Variants in HFM1 observed in about 807,000 individuals in gnomAD.
HFM1 encodes helicase for meiosis 1.
A neutral mutation model predicts 192.1 loss-of-function variants in HFM1; 169 were observed. The ratio of observed to expected loss-of-function variants is 0.88; its 90% CI spans 0.78 to 1.00. The LOEUF is 1.00. Ranked by LOEUF, HFM1 falls within the 50% of genes least tolerant of loss-of-function variation. HFM1 has a pLI of 0.00. For synonymous variants in HFM1, 525 were observed against 537.8 expected (o/e 0.98, Z 0.33); for missense variants, 1,661 against 1,668.0 (o/e 1.00, Z 0.07).
chr1:91,368,807 C>T (rs1294481873), intron 13 of HFM1, among the ~76,000 whole-genome samples: 1 of 152,024 alleles, frequency 6.6e-6, no homozygotes, highest in East Asian at 1.9e-4. Context: ...GACTGGCAAA[C>T]TGGAGAAAGA....
chr1:91,336,661 A>G (rs1654614322), intron 20 of HFM1, among the ~76,000 whole-genome samples: 2 of 152,202 alleles, frequency 1.3e-5, no homozygotes, highest in South Asian at 4.1e-4. Flanking sequence ...ACCACTGCGG[A>G]AGACAGTGTG....
intron 19 of HFM1, among the ~76,000 whole-genome samples, chr1:91,345,238 G>A (rs1457104731): frequency 2.0e-5 from 3 of 152,102 alleles, no homozygotes; most frequent in African/African-American, 7.2e-5. Context: ...ACAGAGACCT[G>A]AATAAAATGA....
At chr1:91,306,083 C>A (rs1055457816) in intron 30 of HFM1, among the ~76,000 whole-genome samples, 7 of 152,042 alleles carry the variant, frequency 4.6e-5, no homozygotes, top group African/African-American at 1.7e-4. Flanking sequence ...CCTGTAATCC[C>A]AGCACTTTGG....
At chr1:91,405,426 T>C (rs761744573), upstream of HFM1, among the ~76,000 whole-genome samples, 8 of 152,366 alleles carry the variant, frequency 5.3e-5, no homozygotes, top group African/African-American at 7.2e-5. Flanking sequence ...GGGAATGTTT[T>C]GTAGATGATA....
chr1:91,267,783 G>T lies in HFM1; in HGVS notation c.3845C>A (p.Thr1282Asn), dbSNP rs1447942464. The T allele has an allele frequency of 5.7e-6, 9 of 1,574,896 alleles. No individual in the cohort carries two copies. Among genetic ancestry groups the T allele is most frequent in the African/African-American group, 1.4e-5 (1 of 72,428 alleles). The change falls in exon 35 of 39, where the codon ACT becomes AAT. Residue 1282 changes from threonine to asparagine, a missense_variant. Thr to Asn is a moderately conservative substitution (Grantham distance 65). Transcript: ENST00000370425. ...DDFDDENLEV[T>N]SFSTDTEKTK... ...CTTCTCAGTATCAGTTGAAAAGCTA[G>T]TAACTTCTAAGTTTTCATCATCAAA...
At position 91,376,513 on chromosome 1, in the gene HFM1, A is replaced by G. The variant is rs149548771; in HGVS notation, c.1396-786T>C. ...CATTCACACAAGTAGTGTTTATCACAAAGGGGAAAAGTTTCAAGAATTAGA... is the reference window on the plus strand; with the variant it reads ...CATTCACACAAGTAGTGTTTATCACGAAGGGGAAAAGTTTCAAGAATTAGA... On this transcript the variant is annotated intron_variant, in intron 11 of 38. Transcript: ENST00000370425. Among the ~76,000 whole-genome samples the G allele has an allele frequency of 4.4e-4, 67 of 152,148 alleles. No homozygotes were observed. In the East Asian group the frequency reaches 9.1e-3, roughly 21 times the overall value.
intron 30 of HFM1, among the ~76,000 whole-genome samples, chr1:91,312,839 T>C (rs1650665228): frequency 6.6e-6 from 1 of 152,260 alleles, no homozygotes; most frequent in South Asian, 2.1e-4. Flanking sequence ...CCATGTGTTG[T>C]GGGAGGGACC....
At chr1:91,298,376 C>T (rs1648048393) in intron 30 of HFM1, among the ~76,000 whole-genome samples, 1 of 152,184 alleles carries the variant, frequency 6.6e-6, no homozygotes, top group Admixed American at 6.5e-5. Flanking sequence ...AGGATATTAT[C>T]CAGGAGAACT....
chr1:91,343,484 A>G lies in HFM1; in HGVS notation c.2281T>C (p.Leu761=). ...ATCTTTATTAAGTCCAGGGATGATA[A>G]ATCATTCAGATTCTTCAAACATAAT... ...QELCLKNLND[L]SSLDLIKMDE... Residue 761 remains leucine (L), a synonymous_variant, in exon 20 of 39, where the codon TTA becomes CTA. Coordinates refer to ENST00000370425, the MANE Select transcript of HFM1 (RefSeq NM_001017975.6). 1 of 1,423,446 alleles carries G rather than the reference A, an allele frequency of 7.0e-7. No individual in the cohort carries two copies. The highest frequency in any genetic ancestry group is 9.7e-7 in the Non-Finnish European group (1 of 1,035,966). 88.2% of individuals were successfully genotyped at this position (1,423,446 alleles called of 1,614,324 possible).
intron 23 of HFM1, among the ~76,000 whole-genome samples, chr1:91,320,983 G>A (rs558213385): frequency 1.3e-5 from 2 of 152,274 alleles, no homozygotes; most frequent in South Asian, 2.1e-4. Context: ...TTATTCTTGT[G>A]TGTAAAAGGG....
chr1:91,302,175 T>C (rs1648886493), intron 30 of HFM1, among the ~76,000 whole-genome samples: 1 of 151,258 alleles, frequency 6.6e-6, no homozygotes, highest in Non-Finnish European at 1.5e-5. Flanking sequence ...AAAAGACACA[T>C]GAGAAAATGC....
At chr1:91,322,363 A>G (rs2101322285) in intron 23 of HFM1, among the ~76,000 whole-genome samples, 1 of 152,354 alleles carries the variant, frequency 6.6e-6, no homozygotes, top group Admixed American at 6.5e-5. Context: ...ACCTTAAATT[A>G]CATAACACTA....
At chr1:91,385,036 C>T in intron 6 of HFM1, 151 bp downstream of exon 6, 1 of 560,552 alleles carries the variant, frequency 1.8e-6, no homozygotes, top group Non-Finnish European at 3.1e-6. Flanking sequence ...AACCACCGCA[C>T]CCGGCCACAT....
chr1:91,407,286 A>G (rs894710495), upstream of HFM1, among the ~76,000 whole-genome samples: 6 of 152,230 alleles, frequency 3.9e-5, no homozygotes, highest in Admixed American at 2.0e-4. Context: ...CAGCAAACCG[A>G]CATGGCACAT....
chr1:91,401,057 A>G lies in HFM1; in HGVS notation c.26T>C (p.Phe9Ser). The G allele has an allele frequency of 6.4e-7, 1 of 1,557,004 alleles. No individual in the cohort carries two copies. Among genetic ancestry groups the G allele is most frequent in the South Asian group, 1.2e-5 (1 of 81,842 alleles). The change falls in exon 2 of 39, where the codon TTT becomes TCT. Residue 9 changes from phenylalanine (F) to serine (S), a missense_variant. Physicochemically the swap from Phe to Ser is radical, Grantham distance 155. Transcript: ENST00000370425. ...TTCAAAAAACAAATTTTCCAAAGAA[A>G]ACAGGCAATCATTTGATTTCAGCAT... MLKSNDCL[F>S]SLENLFFEKP...
chr1:91,262,420 A>G, intron 37 of HFM1, 28 bp from the exon 38 acceptor site: 1 of 1,581,178 alleles, frequency 6.3e-7, no homozygotes, highest in Non-Finnish European at 8.6e-7. Context: ...AATAACAATC[A>G]TTGAAAGTTT....
chr1:91,351,648 G>A lies in HFM1; in HGVS notation c.1978-5C>T, dbSNP rs780008411. The A allele has an allele frequency of 2.6e-6, 4 of 1,539,812 alleles. No homozygotes were observed. The highest frequency in any genetic ancestry group is 2.7e-6 in the Non-Finnish European group (3 of 1,125,750). The stretch of plus-strand genomic sequence containing the variant: ...TGCAGTAGCTGTAGTGTCAAACTGG[G>A]GAGAAAACAAACAGAAATTTAGTGA... On this transcript the variant is annotated splice_polypyrimidine_tract_variant and splice_region_variant and intron_variant, in intron 16 of 38. Coordinates refer to ENST00000370425, the MANE Select transcript of HFM1 (RefSeq NM_001017975.6).
intron 30 of HFM1, among the ~76,000 whole-genome samples, chr1:91,281,706 T>C (rs551474584): frequency 6.6e-6 from 1 of 152,306 alleles, no homozygotes; most frequent in Non-Finnish European, 1.5e-5. Flanking sequence ...TGAAAATCAT[T>C]TTTCCCTTGG....
chr1:91,353,277 C>T lies in HFM1; in HGVS notation c.1708G>A (p.Val570Ile), dbSNP rs758869391. Residue 570 changes from valine to isoleucine, a missense_variant, in exon 14 of 39, where the codon GTA (valine) becomes ATA (isoleucine). By Grantham distance (29) the Val-to-Ile change is conservative. Coordinates refer to ENST00000370425, the MANE Select transcript of HFM1 (RefSeq NM_001017975.6). ...KQRLQKYAYS[V>I]RDSKLRDILK... The stretch of plus-strand genomic sequence containing the variant: ...CTACCTCTCAGTTTTGAATCTCTTA[C>T]GGAATATGCATACTTCTGTAACCTA... The T allele has an allele frequency of 2.3e-5, 37 of 1,578,954 alleles. No homozygotes were observed. The highest frequency in any genetic ancestry group is 1.5e-4 in the Admixed American group (9 of 59,298).
Sources: allele counts gnomAD v4.1 joint callset (sites outside exome capture counted in the v4.1 genomes callset), GRCh38; gene constraint gnomAD v4.1.1; transcripts MANE v1.5; gene names NCBI Gene and HGNC (gene_info 2026-07-23, HGNC 2026-07-21).